The following TTC28 variants were observed in gnomAD, a reference collection of about 807,000 sequenced individuals.
TTC28 encodes the protein tetratricopeptide repeat domain 28.
In TTC28, 61 loss-of-function variants were observed where a neutral mutation model predicts 198.0. The ratio of observed to expected loss-of-function variants is 0.31; its 90% CI spans 0.25 to 0.38. TTC28 has a LOEUF of 0.38. Among genes scored for constraint, TTC28 ranks in the 10% least tolerant of loss-of-function variants. The pLI is 1.00. For synonymous variants in TTC28, 1,171 were observed against 1,297.8 expected (o/e 0.90, Z 2.10); for missense variants, 2,678 against 3,164.0 (o/e 0.85, Z 3.69).
chr22:28,679,522 C>T (rs1251686059), intron 1 of TTC28, 100 bp downstream of exon 1: 2 of 779,560 alleles, frequency 2.6e-6, no homozygotes, highest in African/African-American at 3.7e-5. Context: ...GAGACGCCTT[C>T]CGCCTCGCAG....
chr22:28,141,762 T>TA (rs1943341714), intron 6 of TTC28, among the ~76,000 whole-genome samples: 1 of 152,186 alleles, frequency 6.6e-6, no homozygotes, highest in African/African-American at 2.4e-5. Context: ...AGAATTTGGT[T>TA]AGATTATTTT....
intron 2 of TTC28, among the ~76,000 whole-genome samples, chr22:28,401,036 AAAG>A (rs2046898146): frequency 6.6e-6 from 1 of 152,148 alleles, no homozygotes; most frequent in Non-Finnish European, 1.5e-5. Flanking sequence ...TTGAGTTGAG[AAAG>A]AAGATAGGAG....
chr22:28,571,314 C>T (rs2050056812), intron 2 of TTC28, among the ~76,000 whole-genome samples: 1 of 152,158 alleles, frequency 6.6e-6, no homozygotes. Context: ...TAAATAATTA[C>T]ACATGAAATT....
intron 6 of TTC28, among the ~76,000 whole-genome samples, chr22:28,122,442 C>A (rs1942811936): frequency 6.6e-6 from 1 of 152,086 alleles, no homozygotes; most frequent in Admixed American, 6.5e-5. Context: ...TCAAAAGATT[C>A]AATGTAGAAA....
chr22:28,124,497 C>G (rs1942868924), intron 6 of TTC28, among the ~76,000 whole-genome samples: 1 of 152,178 alleles, frequency 6.6e-6, no homozygotes, highest in East Asian at 1.9e-4. Flanking sequence ...TTTAATCTCA[C>G]AAGTGGGTTG....
chr22:28,442,214 C>G (rs1312867525), intron 2 of TTC28, among the ~76,000 whole-genome samples: 1 of 152,166 alleles, frequency 6.6e-6, no homozygotes, highest in Non-Finnish European at 1.5e-5. Flanking sequence ...GATCGATTCA[C>G]ACACGCTGGT....
intron 6 of TTC28, among the ~76,000 whole-genome samples, chr22:28,126,011 T>C (rs933072336): frequency 6.6e-6 from 1 of 152,182 alleles, no homozygotes; most frequent in Non-Finnish European, 1.5e-5. Context: ...GCAAAGTCAC[T>C]GTATTCTCTA....
chr22:28,154,391 G>C (rs1443195898), intron 6 of TTC28, among the ~76,000 whole-genome samples: 1 of 137,000 alleles, frequency 7.3e-6, no homozygotes, highest in African/African-American at 2.8e-5. Flanking sequence ...TCACTCTGTC[G>C]CCCAGGCTGG....
chr22:28,057,595 G>GT (rs1489884052), intron 12 of TTC28, among the ~76,000 whole-genome samples: 1 of 151,970 alleles, frequency 6.6e-6, no homozygotes, highest in African/African-American at 2.4e-5. Flanking sequence ...TTTGATGAGC[G>GT]TAAGTTTTAA....
intron 6 of TTC28, among the ~76,000 whole-genome samples, chr22:28,156,369 C>A (rs1176111320): frequency 1.3e-5 from 2 of 152,076 alleles, no homozygotes; most frequent in Non-Finnish European, 2.9e-5. Context: ...CTGACAGGGG[C>A]AAAGAAATAT....
At chr22:28,524,213 T>A (rs1164285414) in intron 2 of TTC28, among the ~76,000 whole-genome samples, 4 of 152,114 alleles carry the variant, frequency 2.6e-5, no homozygotes, top group Non-Finnish European at 5.9e-5. Flanking sequence ...ATCCCAGCAC[T>A]TTGGGAGGCC....
rs557034118 is a variant in TTC28 at position 28,060,591 on chromosome 22, T to C, written c.3933-30225A>G. 5.9e-5 allele frequency among the ~76,000 whole-genome samples: 9 copies of C among 152,364 alleles called. No individual in the cohort carries two copies. The East Asian group carries it at 1.3e-3, about 23-fold the overall frequency. On this transcript the variant is annotated intron_variant, in intron 12 of 22. Coordinates refer to ENST00000397906, the MANE Select transcript of TTC28 (RefSeq NM_001145418.2). ...TGTGTCTTTATAGCAGCATGATTTA[T>C]AATCCTTTGGGTATATACCCAGTAA...
chr22:28,296,942 C>A (rs949928847), intron 4 of TTC28, among the ~76,000 whole-genome samples: 5 of 152,192 alleles, frequency 3.3e-5, no homozygotes, highest in African/African-American at 1.2e-4. Context: ...AGTATACACT[C>A]TTAACCTCTA....
chr22:28,387,314 G>A lies in TTC28; in HGVS notation c.382-80671C>T, dbSNP rs1373688573. On this transcript the variant is annotated intron_variant, in intron 2 of 22. Transcript: ENST00000397906. ...TGCCGCAATAAACATACGTGTGCAT[G>A]TGTCTTTATAGCAGCATGATTTATA... 5.3e-5 allele frequency among the ~76,000 whole-genome samples: 8 copies of A among 152,330 alleles called. No homozygotes were observed. The East Asian group carries it at 9.6e-4, about 18-fold the overall frequency.
intron 2 of TTC28, among the ~76,000 whole-genome samples, chr22:28,491,738 G>C (rs183286314): frequency 6.6e-5 from 10 of 152,274 alleles, no homozygotes; most frequent in Admixed American, 4.6e-4. Flanking sequence ...AATACCATTT[G>C]ACCCAGCCAT....
intron 5 of TTC28, among the ~76,000 whole-genome samples, chr22:28,217,174 C>T (rs1228901252): frequency 1.3e-5 from 2 of 152,112 alleles, no homozygotes; most frequent in African/African-American, 4.8e-5. Context: ...AGCCATCTCT[C>T]CTAATAGCTG....
chr22:28,350,238 G>A (rs185006048), intron 2 of TTC28, among the ~76,000 whole-genome samples: 1 of 152,192 alleles, frequency 6.6e-6, no homozygotes, highest in Non-Finnish European at 1.5e-5. Context: ...TTTTCTCACA[G>A]CTATATTGAC....
At chr22:28,152,483 G>A (rs1943633619) in intron 6 of TTC28, among the ~76,000 whole-genome samples, 1 of 152,180 alleles carries the variant, frequency 6.6e-6, no homozygotes, top group African/African-American at 2.4e-5. Context: ...AAGAACTCAA[G>A]TCTTATCCTG....
At chr22:28,177,200 A>G (rs1923240161) in intron 5 of TTC28, among the ~76,000 whole-genome samples, 1 of 152,232 alleles carries the variant, frequency 6.6e-6, no homozygotes, top group Non-Finnish European at 1.5e-5. Flanking sequence ...AAAATATCTG[A>G]AGAGACAGCT....
Sources: allele counts gnomAD v4.1 joint callset (sites outside exome capture counted in the v4.1 genomes callset), GRCh38; gene constraint gnomAD v4.1.1; transcripts MANE v1.5; gene names NCBI Gene and HGNC (gene_info 2026-07-23, HGNC 2026-07-21).